Variants in HIVEP2 observed in about 807,000 individuals in gnomAD.
The protein encoded by HIVEP2 is transcription factor HIVEP2.
A neutral mutation model predicts 180.7 loss-of-function variants in HIVEP2; 14 were observed. That is an observed-to-expected ratio of 0.08 (90% CI 0.05 to 0.12). The LOEUF (loss-of-function observed/expected upper bound fraction) is 0.12. Among genes scored for constraint, HIVEP2 ranks in the 10% least tolerant of loss-of-function variants. The pLI, the probability that HIVEP2 is intolerant of heterozygous loss-of-function variation, is 1.00. For synonymous variants in HIVEP2, 1,184 were observed against 1,136.4 expected (o/e 1.04, Z -0.84); for missense variants, 2,579 against 3,008.5 (o/e 0.86, Z 3.34).
chr6:142,929,421 T>C (rs1429253307), intron 1 of HIVEP2, among the ~76,000 whole-genome samples: 1 of 152,086 alleles, frequency 6.6e-6, no homozygotes, highest in Non-Finnish European at 1.5e-5. Flanking sequence ...GTAAGATAAA[T>C]TAACTTATGA....
At chr6:142,834,960 T>C (rs1419107278) in intron 2 of HIVEP2, among the ~76,000 whole-genome samples, 1 of 85,616 alleles carries the variant, frequency 1.2e-5, no homozygotes, top group Non-Finnish European at 3.2e-5. Flanking sequence ...TATGAAGTCC[T>C]TCCTTACCAA....
chr6:142,785,515 G>A (rs1775977829), intron 2 of HIVEP2, among the ~76,000 whole-genome samples: 1 of 152,122 alleles, frequency 6.6e-6, no homozygotes, highest in East Asian at 1.9e-4. Flanking sequence ...GAGGCAAGAA[G>A]GTAAAAGAAG....
At chr6:142,886,158 C>A (rs1022241132) in intron 1 of HIVEP2, among the ~76,000 whole-genome samples, 9 of 152,204 alleles carry the variant, frequency 5.9e-5, no homozygotes, top group South Asian at 2.1e-4. Flanking sequence ...ATTACATATA[C>A]CTACTAAATA....
At chr6:142,857,905 T>G (rs1164231635) in intron 1 of HIVEP2, among the ~76,000 whole-genome samples, 3 of 152,186 alleles carry the variant, frequency 2.0e-5, no homozygotes, top group Non-Finnish European at 4.4e-5. Context: ...GGGTCGGGTC[T>G]TGGGTCTGGG....
intron 2 of HIVEP2, among the ~76,000 whole-genome samples, chr6:142,814,298 T>C (rs564467243): frequency 6.6e-6 from 1 of 152,194 alleles, no homozygotes; most frequent in Non-Finnish European, 1.5e-5. Flanking sequence ...TACTAATGTA[T>C]ACCCTAAAGC....
chr6:142,807,387 C>T (rs1776580249), intron 2 of HIVEP2, among the ~76,000 whole-genome samples: 1 of 152,168 alleles, frequency 6.6e-6, no homozygotes, highest in African/African-American at 2.4e-5. Context: ...AGGTAGAGGG[C>T]TTCATACAGC....
intron 1 of HIVEP2, among the ~76,000 whole-genome samples, chr6:142,841,506 C>T (rs1268414481): frequency 6.6e-6 from 1 of 152,024 alleles, no homozygotes; most frequent in East Asian, 1.9e-4. Flanking sequence ...CATGGTAGAG[C>T]TAGAAACTAC....
At chr6:142,928,519 A>C (rs939433942) in intron 1 of HIVEP2, among the ~76,000 whole-genome samples, 2 of 152,220 alleles carry the variant, frequency 1.3e-5, no homozygotes, top group Non-Finnish European at 2.9e-5. Context: ...CTATCCAGTC[A>C]TGTACTATTT....
intron 2 of HIVEP2, among the ~76,000 whole-genome samples, chr6:142,806,622 T>A (rs1776561379): frequency 6.6e-6 from 1 of 152,162 alleles, no homozygotes; most frequent in African/African-American, 2.4e-5. Flanking sequence ...ATTCAAGGTA[T>A]AATGGCAGGC....
At chr6:142,786,942 C>A (rs1178151071) in intron 2 of HIVEP2, among the ~76,000 whole-genome samples, 1 of 152,088 alleles carries the variant, frequency 6.6e-6, no homozygotes, top group East Asian at 1.9e-4. Flanking sequence ...ATAAGGTAAA[C>A]CAGTTACACT....
rs569367132 is a variant in HIVEP2 at position 142,939,482 on chromosome 6, A to G, written c.-641+5617T>C. Among the ~76,000 whole-genome samples, 4 of 152,042 alleles carry G rather than the reference A, an allele frequency of 2.6e-5. No homozygotes were observed. In the East Asian group the frequency reaches 5.8e-4, roughly 22 times the overall value. ...AGCTACGTACCTTTCCAGGCTCCCA[A>G]CTCTTCCTCTGCCCTGGTACTATCC... On this transcript the variant is annotated intron_variant, in intron 1 of 9. Coordinates refer to ENST00000367603, the MANE Select transcript of HIVEP2 (RefSeq NM_006734.4).
chr6:142,911,954 T>C (rs1417142176), intron 1 of HIVEP2, among the ~76,000 whole-genome samples: 2 of 152,212 alleles, frequency 1.3e-5, no homozygotes, highest in Non-Finnish European at 2.9e-5. Context: ...TTATGGCTAA[T>C]GATACTGAAA....
At chr6:142,758,986 C>A (rs185240715) in intron 9 of HIVEP2, among the ~76,000 whole-genome samples, 1 of 152,004 alleles carries the variant, frequency 6.6e-6, no homozygotes, top group Non-Finnish European at 1.5e-5. Context: ...TCATGATGGG[C>A]AAGGTAGAGT....
intron 2 of HIVEP2, among the ~76,000 whole-genome samples, chr6:142,797,142 A>C (rs1183281560): frequency 6.6e-6 from 1 of 152,100 alleles, no homozygotes; most frequent in Non-Finnish European, 1.5e-5. Context: ...AACACACCTA[A>C]CTTTTTCTTT....
chr6:142,821,325 T>C (rs1328164992), intron 2 of HIVEP2, among the ~76,000 whole-genome samples: 3 of 151,418 alleles, frequency 2.0e-5, no homozygotes, highest in Admixed American at 6.6e-5. Context: ...ATTCGTAGTC[T>C]AACCCCGAAC....
intron 1 of HIVEP2, among the ~76,000 whole-genome samples, chr6:142,849,663 T>C (rs1474602650): frequency 1.3e-5 from 2 of 151,976 alleles, no homozygotes; most frequent in Admixed American, 6.6e-5. Flanking sequence ...CACAGGTGTG[T>C]GCTGCCACAC....
intron 1 of HIVEP2, among the ~76,000 whole-genome samples, chr6:142,862,318 C>T (rs905803927): frequency 6.6e-6 from 1 of 151,132 alleles, no homozygotes. Flanking sequence ...GCTACATTAG[C>T]AAATCTATTA....
chr6:142,753,583 C>T lies in HIVEP2; in HGVS notation c.6865G>A (p.Ala2289Thr), dbSNP rs773094071. 9 of 1,614,138 alleles carry T rather than the reference C, an allele frequency of 5.6e-6. No homozygotes were observed. Among genetic ancestry groups the T allele is most frequent in the African/African-American group, 1.3e-5 (1 of 75,038 alleles). The change falls in exon 10 of 10, where the codon GCT becomes ACT. Residue 2289 changes from alanine to threonine, a missense_variant. Coordinates refer to ENST00000367603, the MANE Select transcript of HIVEP2 (RefSeq NM_006734.4). ...CTAGGTGGACCAGATGACTGCAAAG[C>T]GTGAGGACCTCGCTTCTCATGCTGC... ...SKQHEKRGPHALQSSGPPSTP... is the reference protein window; with the variant it reads ...SKQHEKRGPHTLQSSGPPSTP...
In HIVEP2 at chr6:142,943,631, T is replaced by C. The variant is rs916979731; in HGVS notation, c.-641+1468A>G. ...GTCCAGCTTTAGGGTTGGGGGCGAG[T>C]ACCAATATTCATTTGGAGGTAAATT... On this transcript the variant is annotated intron_variant, in intron 1 of 9. Coordinates refer to ENST00000367603, the MANE Select transcript of HIVEP2 (RefSeq NM_006734.4). This position sits in a 1 kb window ranked among gnomAD's most constrained non-coding sequence, Gnocchi z 4.5. 6.6e-6 allele frequency among the ~76,000 whole-genome samples: 1 copy of C among 152,012 alleles called. No homozygotes were observed. The highest frequency in any genetic ancestry group is 2.4e-5 in the African/African-American group (1 of 41,374).
Sources: allele counts gnomAD v4.1 joint callset (sites outside exome capture counted in the v4.1 genomes callset), GRCh38; gene constraint gnomAD v4.1.1; non-coding constraint Gnocchi (gnomAD v3.1); transcripts MANE v1.5; gene names NCBI Gene and HGNC (gene_info 2026-07-23, HGNC 2026-07-21).